Variants in MYOM1 observed in about 807,000 individuals in gnomAD.
The protein encoded by MYOM1 is myomesin-1.
In MYOM1, 164 loss-of-function variants were observed where a neutral mutation model predicts 205.3. That is an observed-to-expected ratio of 0.80 (90% CI 0.70 to 0.91). MYOM1 has a LOEUF of 0.91. Among genes scored for constraint, MYOM1 ranks in the 40% least tolerant of loss-of-function variants. The pLI, the probability that MYOM1 is intolerant of heterozygous loss-of-function variation, is 0.00. For missense variants in MYOM1, 2,011 were observed against 2,127.3 expected, an observed-to-expected ratio of 0.95 and a Z score of 1.08; for synonymous variants, 772 against 789.4, an observed-to-expected ratio of 0.98 and a Z score of 0.37.
At chr18:3,243,577 T>C in the MYOM1 span, among the ~76,000 whole-genome samples, 1 of 152,256 alleles carries the variant, frequency 6.6e-6, no homozygotes, top group Non-Finnish European at 1.5e-5. Flanking sequence ...AGTTACCATG[T>C]ATTTACCGGC....
intron 1 of MYOM1, among the ~76,000 whole-genome samples, chr18:3,216,448 G>A (rs1037571137): frequency 9.2e-5 from 14 of 152,158 alleles, no homozygotes; most frequent in Non-Finnish European, 1.6e-4. Context: ...CAGGTAAGAG[G>A]GATGGATGCA....
intron 12 of MYOM1, among the ~76,000 whole-genome samples, chr18:3,151,381 C>T (rs1042757833): frequency 6.6e-6 from 1 of 151,456 alleles, no homozygotes; most frequent in Admixed American, 6.6e-5. Flanking sequence ...TTTTATACTT[C>T]ATTCCACACA....
At chr18:3,157,680 AAATAATAATAATAATAATAAT>A (rs55669820) in intron 10 of MYOM1, among the ~76,000 whole-genome samples, 1 of 139,732 alleles carries the variant, frequency 7.2e-6, no homozygotes, top group Non-Finnish European at 1.5e-5. Flanking sequence ...TTGTCTCCAA[AAATAATAATAATAATAATAAT>A]AATAATAATA....
intron 23 of MYOM1, among the ~76,000 whole-genome samples, chr18:3,101,989 ATTTTTTTTTTTTTTTT>A (rs35882298): frequency 2.1e-4 from 12 of 55,848 alleles, no homozygotes; most frequent in African/African-American, 1.0e-3. Flanking sequence ...TCAGTCTGGG[ATTTTTTTTTTTTTTTT>A]TTTTTTTTTT....
intron 22 of MYOM1, among the ~76,000 whole-genome samples, chr18:3,104,895 T>C (rs1289800217): frequency 1.3e-5 from 2 of 152,002 alleles, no homozygotes; most frequent in Non-Finnish European, 2.9e-5. Context: ...CACAGGTGCA[T>C]GGCACCACAT....
chr18:3,187,745 T>A (rs2080839710), intron 4 of MYOM1, 108 bp from the exon 5 acceptor site: 1 of 1,106,330 alleles, frequency 9.0e-7, no homozygotes, highest in South Asian at 1.9e-5. Flanking sequence ...TTTTTCCATT[T>A]GGAAGCTTAA....
At chr18:3,182,006 T>C (rs1409599175) in intron 5 of MYOM1, among the ~76,000 whole-genome samples, 1 of 152,168 alleles carries the variant, frequency 6.6e-6, no homozygotes, top group East Asian at 1.9e-4. Flanking sequence ...AGAGCTGGGA[T>C]TACAGGCGTG....
rs567797564 is a variant in MYOM1 at position 3,100,214 on chromosome 18, A to T, written c.3683-11T>A. 2 of 1,613,694 alleles carry T rather than the reference A, an allele frequency of 1.2e-6. No individual in the cohort carries two copies. ...GTAAACGTTTCAATTCTGTAGGGGG[A>T]AAAAGAAGGCAGTTAAACCTTAAAC... On this transcript the variant is annotated splice_polypyrimidine_tract_variant and intron_variant, in intron 24 of 37. Transcript: ENST00000356443.
chr18:3,140,188 C>T (rs1490108395), intron 14 of MYOM1, among the ~76,000 whole-genome samples: 3 of 152,138 alleles, frequency 2.0e-5, no homozygotes, highest in African/African-American at 4.8e-5. Flanking sequence ...AGGAGGATTA[C>T]TTGAGGTCAG....
At chr18:3,221,680 C>T (rs551698706), upstream of MYOM1, among the ~76,000 whole-genome samples, 4 of 152,314 alleles carry the variant, frequency 2.6e-5, no homozygotes, top group South Asian at 4.2e-4. Flanking sequence ...AATGGCAATA[C>T]GGGTCTTCAC....
chr18:3,212,698 G>T (rs889108065), intron 2 of MYOM1, among the ~76,000 whole-genome samples: 1 of 152,128 alleles, frequency 6.6e-6, no homozygotes, highest in Admixed American at 6.5e-5. Flanking sequence ...CCAGGAAAAT[G>T]GATATTTAAA....
intron 2 of MYOM1, 39 bp from the exon 3 acceptor site, chr18:3,193,997 A>T (rs1567961907): frequency 6.3e-7 from 1 of 1,598,714 alleles, no homozygotes. Context: ...TAACAAAAAA[A>T]GGCATTTACA....
chr18:3,162,853 A>C (rs2080413114), intron 10 of MYOM1, among the ~76,000 whole-genome samples: 1 of 151,988 alleles, frequency 6.6e-6, no homozygotes, highest in South Asian at 2.1e-4. Context: ...GTGAAACCCC[A>C]TCTCTACTAA....
chr18:3,095,726 C>T (rs927995606), intron 25 of MYOM1, among the ~76,000 whole-genome samples: 2 of 151,444 alleles, frequency 1.3e-5, no homozygotes, highest in South Asian at 2.1e-4. Flanking sequence ...AGTGGTAACA[C>T]GTCTGGGTGG....
At chr18:3,073,884 C>T (rs2078990878) in intron 36 of MYOM1, among the ~76,000 whole-genome samples, 1 of 152,162 alleles carries the variant, frequency 6.6e-6, no homozygotes, top group Non-Finnish European at 1.5e-5. Context: ...GAGAGTTTTC[C>T]TTTCGCTTAA....
intron 5 of MYOM1, among the ~76,000 whole-genome samples, chr18:3,183,156 C>T (rs1295128092): frequency 6.6e-5 from 10 of 152,040 alleles, no homozygotes; most frequent in Admixed American, 5.9e-4. Context: ...CTCGGACTCC[C>T]GACCTCAGGT....
chr18:3,198,739 C>T (rs1412584716), intron 2 of MYOM1, among the ~76,000 whole-genome samples: 8 of 150,966 alleles, frequency 5.3e-5, no homozygotes. Context: ...GCCAAGATCG[C>T]ACCACTGCCC....
chr18:3,158,372 ATTTCTTCCAAT>A (rs2080332358), intron 10 of MYOM1, among the ~76,000 whole-genome samples: 1 of 152,108 alleles, frequency 6.6e-6, no homozygotes, highest in Non-Finnish European at 1.5e-5. Context: ...GAATATCTAT[ATTTCTTCCAAT>A]TTTCCCCCAA....
the MYOM1 span, among the ~76,000 whole-genome samples, chr18:3,234,652 C>G: frequency 6.6e-6 from 1 of 152,120 alleles, no homozygotes; most frequent in East Asian, 1.9e-4. Flanking sequence ...CATTTTGAAG[C>G]TATTGCTGTG....
Sources: gnomAD v4.1 joint callset for allele counts (sites outside exome capture counted in the v4.1 genomes callset) on GRCh38, gnomAD v4.1.1 for gene constraint, MANE v1.5 for transcripts, NCBI Gene and HGNC (gene_info 2026-07-23, HGNC 2026-07-21) for gene names.